Variants in SH2D7 observed in about 807,000 individuals in gnomAD.
SH2D7 encodes SH2 domain containing 7.
A neutral mutation model predicts 40.8 loss-of-function variants in SH2D7; 32 were observed. The observed-to-expected ratio is 0.78, with a 90% CI of 0.59 to 1.05. The LOEUF (loss-of-function observed/expected upper bound fraction) is 1.05. Among genes scored for constraint, SH2D7 ranks in the 50% least tolerant of loss-of-function variants. The pLI is 0.00. For missense variants in SH2D7, 559 were observed against 566.6 expected (o/e 0.99, Z 0.14); for synonymous variants, 195 against 221.5 (o/e 0.88, Z 1.06).
In SH2D7 at chr15:78,099,785, C is replaced by T. The variant is rs79998399; in HGVS notation, c.646-1114C>T. 3.7e-4 allele frequency among the ~76,000 whole-genome samples: 56 copies of T among 152,192 alleles called. No individual in the cohort carries two copies. The East Asian group carries it at 9.9e-3, about 27-fold the overall frequency. On this transcript the variant is annotated intron_variant, in intron 4 of 5. Transcript: ENST00000328828. ...GGCTTCAGTGAGGCCTTTTCATTGG[C>T]TTCTTTGGCCTTCTAGATCATCCTT...
upstream of SH2D7, among the ~76,000 whole-genome samples, chr15:78,092,131 G>A (rs1003635086): frequency 6.6e-6 from 1 of 152,236 alleles, no homozygotes; most frequent in Non-Finnish European, 1.5e-5. Flanking sequence ...GTGGATGGAA[G>A]ACTTGGTTAG....
Position 78,098,599 on chromosome 15 carries a change from G to A in SH2D7, c.645+3G>A, listed in dbSNP as rs750888112. The A allele has an allele frequency of 9.3e-6, 15 of 1,612,932 alleles. No homozygotes were observed. Among genetic ancestry groups the A allele is most frequent in the Non-Finnish European group, 1.3e-5 (15 of 1,179,494 alleles). On this transcript the variant is annotated splice_donor_region_variant and intron_variant, in intron 4 of 5. Coordinates refer to ENST00000328828, the MANE Select transcript of SH2D7 (RefSeq NM_001101404.2). ...TCTCCCAGGAGGAAAGCATGGAGGT[G>A]AGGAGCATTATGGGCCACCTAGAGT...
chr15:78,090,722 T>G (rs1159106439), upstream of SH2D7, among the ~76,000 whole-genome samples: 10 of 152,264 alleles, frequency 6.6e-5, no homozygotes, highest in East Asian at 1.9e-3. Context: ...AGGATTTAAC[T>G]AATCTAACCT....
intron 2 of SH2D7, among the ~76,000 whole-genome samples, chr15:78,096,800 G>A (rs77260391): frequency 0.022 from 3,411 of 152,074 alleles, 146 homozygotes; most frequent in African/African-American, 0.078. Context: ...TGCACCTGGC[G>A]CATTGCAATA....
At chr15:78,101,584 GC>G in intron 5 of SH2D7, 26 bp downstream of exon 5, 1 of 1,539,110 alleles carries the variant, frequency 6.5e-7, no homozygotes, top group African/African-American at 1.4e-5. Context: ...GGGTGGGGCG[GC>G]TCCCAGCCCT....
rs1253263052 is a variant in SH2D7 at position 78,103,497 on chromosome 15, C to T, written c.1338C>T (p.Tyr446=). 3 of 1,565,114 alleles carry T rather than the reference C, an allele frequency of 1.9e-6. 1 individual carries two copies. The highest frequency in any genetic ancestry group is 2.4e-5 in the East Asian group (1 of 42,146). ...PDKLRRLFFT[Y]RKHKF ...AGCTTCGGAGGCTCTTCTTCACGTA[C>T]AGGAAGCACAAATTCTGAGGGCCTG... Residue 446 remains tyrosine, a synonymous_variant, in exon 6 of 6, where the codon TAC becomes TAT. Coordinates refer to ENST00000328828, the MANE Select transcript of SH2D7 (RefSeq NM_001101404.2).
chr15:78,096,551 A>C (rs2073973390), intron 2 of SH2D7, among the ~76,000 whole-genome samples: 1 of 152,202 alleles, frequency 6.6e-6, no homozygotes, highest in Non-Finnish European at 1.5e-5. Flanking sequence ...GCTGGAGTGC[A>C]ATGGCACAAT....
chr15:78,101,077 C>T lies in SH2D7; in HGVS notation c.824C>T (p.Ser275Phe). The change falls in exon 5 of 6, where the codon TCC becomes TTC. Residue 275 changes from serine (S) to phenylalanine (F), a missense_variant. Physicochemically the swap from Ser to Phe is radical, Grantham distance 155 (BLOSUM62 -2). Coordinates refer to ENST00000328828, the MANE Select transcript of SH2D7 (RefSeq NM_001101404.2). Reference protein sequence around the residue: ...GPVPAGSQAYSPGREAQRRLS... With the variant: ...GPVPAGSQAYFPGREAQRRLS... ...GTTCCAGCTGGCAGCCAGGCCTACT[C>T]CCCAGGCAGGGAGGCCCAAAGGAGA... is the stretch of plus-strand genomic sequence containing the variant. The T allele has an allele frequency of 1.9e-6, 3 of 1,595,600 alleles. No homozygotes were observed. Among genetic ancestry groups the T allele is most frequent in the Non-Finnish European group, 1.7e-6 (2 of 1,172,286 alleles).
At chr15:78,100,612 G>A (rs997071528) in intron 4 of SH2D7, among the ~76,000 whole-genome samples, 8 of 152,164 alleles carry the variant, frequency 5.3e-5, no homozygotes, top group Admixed American at 1.3e-4. Context: ...CAGGAGAATA[G>A]CTTGAACCCA....
upstream of SH2D7, among the ~76,000 whole-genome samples, chr15:78,090,315 G>A (rs998446784): frequency 2.0e-5 from 3 of 152,170 alleles, no homozygotes; most frequent in African/African-American, 7.2e-5. Flanking sequence ...GGCTGAGGCA[G>A]GAAAATCGCT....
chr15:78,100,143 A>G (rs1210274621), intron 4 of SH2D7, among the ~76,000 whole-genome samples: 1 of 152,262 alleles, frequency 6.6e-6, no homozygotes, highest in African/African-American at 2.4e-5. Flanking sequence ...CTCCCAGATT[A>G]GAATATAAAC....
chr15:78,091,563 C>G (rs1198779601), upstream of SH2D7, among the ~76,000 whole-genome samples: 2 of 152,124 alleles, frequency 1.3e-5, no homozygotes, highest in Non-Finnish European at 2.9e-5. Flanking sequence ...CCATCTGCTG[C>G]CTTACCATCC....
intron 1 of SH2D7, among the ~76,000 whole-genome samples, 169 bp from the exon 2 acceptor site, chr15:78,093,942 AC>A (rs1279121234): frequency 1.3e-5 from 2 of 152,154 alleles, no homozygotes; most frequent in Admixed American, 6.5e-5. Context: ...CACATGCTGA[AC>A]CCTGACAGGC....
In SH2D7 at chr15:78,100,897, AG is replaced by A; in HGVS notation, c.646del. 6.2e-7 allele frequency: 1 copy of A among 1,612,394 alleles called. No individual in the cohort carries two copies. The highest frequency in any genetic ancestry group is 8.5e-7 in the Non-Finnish European group (1 of 1,179,424). ...AGAGTTTCTCTGTCCCTGTCTCCCC[AG>A]GCTCCCATCAGAGTGTCTCCACTCC... On this transcript the variant is annotated splice_acceptor_variant, in intron 4 of 5. Transcript: ENST00000328828. LOFTEE classifies it high-confidence loss of function.
chr15:78,102,905 T>C (rs2074026625), intron 5 of SH2D7, among the ~76,000 whole-genome samples: 1 of 152,156 alleles, frequency 6.6e-6, no homozygotes. Flanking sequence ...CCTGGGCTCC[T>C]GGTGGAAAGA....
chr15:78,100,787 A>G, intron 4 of SH2D7, 112 bp from the exon 5 acceptor site: 1 of 1,169,232 alleles, frequency 8.6e-7, no homozygotes, highest in Non-Finnish European at 1.2e-6. Context: ...ATGTACGGGC[A>G]GGAGGACTAT....
In SH2D7 at chr15:78,100,756, T is replaced by G. The variant is rs900280306; in HGVS notation, c.646-143T>G. The stretch of plus-strand genomic sequence containing the variant: ...CATGAGCGCTGGAAGGGACCCTGAG[T>G]GTCATGTATCCAACCCTTGCATGTA... On this transcript the variant is annotated intron_variant, in intron 4 of 5. Coordinates refer to ENST00000328828, the MANE Select transcript of SH2D7 (RefSeq NM_001101404.2). The G allele has an allele frequency of 6.0e-6, 5 of 828,962 alleles. No individual in the cohort carries two copies. In the East Asian group the frequency reaches 1.1e-4, roughly 18 times the overall value. 51.4% of individuals were successfully genotyped at this position (828,962 alleles called of 1,614,324 possible). A position where few individuals can be genotyped will look rare whatever the true frequency, so the allele number is the denominator to read the frequency against.
chr15:78,101,078 C>G lies in SH2D7; in HGVS notation c.825C>G (p.Ser275=). 1 of 1,595,326 alleles carries G rather than the reference C, an allele frequency of 6.3e-7. No homozygotes were observed. Among genetic ancestry groups the G allele is most frequent in the Non-Finnish European group, 8.5e-7 (1 of 1,172,188 alleles). Reference sequence around the variant, plus strand: ...TTCCAGCTGGCAGCCAGGCCTACTCCCCAGGCAGGGAGGCCCAAAGGAGAC... The same window carrying G: ...TTCCAGCTGGCAGCCAGGCCTACTCGCCAGGCAGGGAGGCCCAAAGGAGAC... The part of the protein sequence containing the change: ...GPVPAGSQAY[S]PGREAQRRLS... Residue 275 remains serine (S), a synonymous_variant, in exon 5 of 6, where the codon TCC becomes TCG. Transcript: ENST00000328828.
At chr15:78,103,429 C>T (rs937390978) in intron 5 of SH2D7, 36 bp from the exon 6 acceptor site, 24 of 1,551,002 alleles carry the variant, frequency 1.5e-5, no homozygotes, top group Admixed American at 7.8e-5. Context: ...CCCTGTCCAG[C>T]GACCCCAGGC....
Sources: allele counts gnomAD v4.1 joint callset (sites outside exome capture counted in the v4.1 genomes callset), GRCh38; gene constraint gnomAD v4.1.1; transcripts MANE v1.5; gene names NCBI Gene and HGNC (gene_info 2026-07-23, HGNC 2026-07-21).